Variants in ATP13A3 observed in about 807,000 individuals in gnomAD.
The protein encoded by ATP13A3 is polyamine-transporting ATPase 13A3.
Under a neutral mutation model 158.1 loss-of-function variants are expected in ATP13A3, and 59 were observed. The observed-to-expected ratio is 0.37, with a 90% CI of 0.30 to 0.46. ATP13A3 has a LOEUF of 0.46. Ranked by LOEUF, ATP13A3 falls within the 20% of genes least tolerant of loss-of-function variation. The pLI is 1.00. For missense variants in ATP13A3, 1,166 were observed against 1,525.2 expected (o/e 0.76, Z 3.92); for synonymous variants, 491 against 504.3 (o/e 0.97, Z 0.35).
intron 19 of ATP13A3, 29 bp from the exon 20 acceptor site, chr3:194,437,244 G>A (rs1390446799): frequency 1.7e-5 from 27 of 1,613,802 alleles, no homozygotes; most frequent in Non-Finnish European, 2.3e-5. Flanking sequence ...AAATTTCATT[G>A]TTAGAGTTGC....
At chr3:194,446,104 C>G (rs1718383969) in intron 14 of ATP13A3, among the ~76,000 whole-genome samples, 2 of 152,090 alleles carry the variant, frequency 1.3e-5, no homozygotes, top group Admixed American at 6.5e-5. Flanking sequence ...ACTACTAGGC[C>G]TAATTCTGGA....
At chr3:194,426,359 A>T (rs1716774304) in intron 29 of ATP13A3, among the ~76,000 whole-genome samples, 1 of 152,206 alleles carries the variant, frequency 6.6e-6, no homozygotes, top group South Asian at 2.1e-4. Flanking sequence ...AATTAATTAA[A>T]ATGTTATAAT....
chr3:194,444,164 A>G (rs1718236591), intron 15 of ATP13A3, among the ~76,000 whole-genome samples: 2 of 152,204 alleles, frequency 1.3e-5, no homozygotes, highest in Non-Finnish European at 2.9e-5. Flanking sequence ...CTTTCCATTT[A>G]CAGGGATCTA....
At chr3:194,464,726 A>G (rs1027775258) in intron 2 of ATP13A3, among the ~76,000 whole-genome samples, 2 of 152,184 alleles carry the variant, frequency 1.3e-5, no homozygotes, top group African/African-American at 4.8e-5. Flanking sequence ...AAGGGCTCAA[A>G]AATGAACCTT....
intron 2 of ATP13A3, among the ~76,000 whole-genome samples, chr3:194,479,915 C>T (rs1442245170): frequency 2.0e-5 from 3 of 152,014 alleles, no homozygotes; most frequent in East Asian, 1.9e-4. Flanking sequence ...AAATGTATAT[C>T]GGAGATACAT....
chr3:194,439,883 T>C (rs1007861569), intron 16 of ATP13A3, among the ~76,000 whole-genome samples: 3 of 152,198 alleles, frequency 2.0e-5, no homozygotes, highest in Non-Finnish European at 4.4e-5. Context: ...TCTATTCAGT[T>C]GGAGAAAAGC....
chr3:194,415,661 CTTTTTTTTTTTTT>C (rs751005733), intron 31 of ATP13A3, among the ~76,000 whole-genome samples: 5 of 90,928 alleles, frequency 5.5e-5, no homozygotes, highest in South Asian at 4.0e-4. Flanking sequence ...ATACCACATT[CTTTTTTTTTTTTT>C]TTTTTTTTTT....
chr3:194,417,432 C>CAA (rs1333185742), intron 31 of ATP13A3, among the ~76,000 whole-genome samples: 11 of 150,784 alleles, frequency 7.3e-5, no homozygotes, highest in Admixed American at 6.0e-4. Context: ...CACACACACA[C>CAA]ACACACACAC....
At chr3:194,426,860 C>T (rs1205382124) in intron 29 of ATP13A3, among the ~76,000 whole-genome samples, 1 of 152,018 alleles carries the variant, frequency 6.6e-6, no homozygotes, top group Non-Finnish European at 1.5e-5. Context: ...CGGGGATTCA[C>T]CATGTTAACC....
rs377247207 is a variant in ATP13A3, at chr3:194,454,311, T to G, written c.712A>C (p.Ile238Leu). The G allele has an allele frequency of 6.2e-7, 1 of 1,607,056 alleles. No individual in the cohort carries two copies. Among genetic ancestry groups the G allele is most frequent in the Admixed American group, 1.7e-5 (1 of 59,974 alleles). Residue 238 changes from isoleucine (I) to leucine (L), a missense_variant, in exon 9 of 34, where the codon ATT becomes CTT. By Grantham distance (5) the Ile-to-Leu change is conservative (BLOSUM62 2). This residue lies in a region of ATP13A3 where 997 missense variants were observed against 1,341.2 expected (regional missense o/e 0.74). Coordinates refer to ENST00000645319, the MANE Select transcript of ATP13A3 (RefSeq NM_001367549.1). ...TDEYYYYALA[I>L]VVMSIVSIVS... Reference sequence around the variant, plus strand: ...ATTGATACTATGGACATAACCACAATAGCTAGAGCATAGTAATAGTATTCA... The same window carrying G: ...ATTGATACTATGGACATAACCACAAGAGCTAGAGCATAGTAATAGTATTCA...
intron 30 of ATP13A3, among the ~76,000 whole-genome samples, chr3:194,422,087 G>T (rs1366387618): frequency 6.6e-6 from 1 of 151,860 alleles, no homozygotes; most frequent in African/African-American, 2.4e-5. Flanking sequence ...TTCCATGTGA[G>T]AGAGAAGATA....
rs1005596358 is a variant in ATP13A3, at chr3:194,479,679, T to C, written c.-47+6115A>G. Among the ~76,000 whole-genome samples, 3 of 152,032 alleles carry C rather than the reference T, an allele frequency of 2.0e-5. No homozygotes were observed. In the South Asian group the frequency reaches 6.2e-4, roughly 31 times the overall value. The stretch of plus-strand genomic sequence containing the variant: ...AAATCTAAAGGTCACAAAATTGAAA[T>C]ATAATTCAAAGTCTTCTTTAAAAAA... On this transcript the variant is annotated intron_variant, in intron 2 of 33. Coordinates refer to ENST00000645319, the MANE Select transcript of ATP13A3 (RefSeq NM_001367549.1).
At chr3:194,484,187 C>T (rs1720873699) in intron 2 of ATP13A3, among the ~76,000 whole-genome samples, 1 of 152,154 alleles carries the variant, frequency 6.6e-6, no homozygotes, top group African/African-American at 2.4e-5. Context: ...TAACACAGAG[C>T]TAGGTTTCTG....
At chr3:194,409,693 A>ATTTTTTTTTTTTTTTTTTTTTTTTTT (rs71179358) in intron 33 of ATP13A3, among the ~76,000 whole-genome samples, 11 of 93,992 alleles carry the variant, frequency 1.2e-4, no homozygotes, top group East Asian at 3.0e-4. Context: ...GACGTAAAGA[A>ATTTTTTTTTTTTTTTTTTTTTTTTTT]TTTTTTTTTT....
chr3:194,422,865 T>C (rs544827021), intron 30 of ATP13A3, among the ~76,000 whole-genome samples: 1 of 151,496 alleles, frequency 6.6e-6, no homozygotes, highest in Middle Eastern at 3.4e-3. Flanking sequence ...TCTCCCCTTA[T>C]CCAGTTATGT....
intron 20 of ATP13A3, among the ~76,000 whole-genome samples, chr3:194,434,725 T>G (rs926088185): frequency 6.6e-6 from 1 of 152,128 alleles, no homozygotes; most frequent in Non-Finnish European, 1.5e-5. Flanking sequence ...GAGGCCAGCC[T>G]GGGCAGCATA....
intron 6 of ATP13A3, among the ~76,000 whole-genome samples, chr3:194,457,803 T>TC (rs983095865): frequency 6.6e-6 from 1 of 151,416 alleles, no homozygotes; most frequent in African/African-American, 2.4e-5. Context: ...TTTTTTTTTT[T>TC]TGAGATGGAG....
chr3:194,419,078 G>C lies in ATP13A3; in HGVS notation c.3402+801C>G, dbSNP rs1329966464. Reference sequence around the variant, plus strand: ...AGTAATTATTTACCAACAGAGGATGGAGAAATGAATTTAATATATTCCTAC... The same window carrying C: ...AGTAATTATTTACCAACAGAGGATGCAGAAATGAATTTAATATATTCCTAC... On this transcript the variant is annotated intron_variant, in intron 31 of 33. Transcript: ENST00000645319. Among the ~76,000 whole-genome samples, 3 of 152,158 alleles carry C rather than the reference G, an allele frequency of 2.0e-5. No homozygotes were observed. In the East Asian group the frequency reaches 5.8e-4, roughly 29 times the overall value.
At chr3:194,415,851 AC>A (rs1715812159) in intron 31 of ATP13A3, among the ~76,000 whole-genome samples, 1 of 151,950 alleles carries the variant, frequency 6.6e-6, no homozygotes, top group African/African-American at 2.4e-5. Flanking sequence ...ACAGGACTAA[AC>A]AAATTACTAA....
Sources: gnomAD v4.1 joint callset for allele counts (sites outside exome capture counted in the v4.1 genomes callset) on GRCh38, gnomAD v4.1.1 for gene constraint, gnomAD v4.1.1 regional missense constraint, MANE v1.5 for transcripts, NCBI Gene and HGNC (gene_info 2026-07-23, HGNC 2026-07-21) for gene names.